Variants in MRPL1 observed in about 807,000 individuals in gnomAD.
MRPL1 encodes the protein large ribosomal subunit protein uL1m.
A neutral mutation model predicts 38.0 loss-of-function variants in MRPL1; 28 were observed. The ratio of observed to expected loss-of-function variants is 0.74; its 90% CI spans 0.55 to 1.01. MRPL1 has a LOEUF of 1.01. Among genes scored for constraint, MRPL1 ranks in the 50% least tolerant of loss-of-function variants. MRPL1 has a pLI of 0.00. For missense variants in MRPL1, 358 were observed against 389.8 expected, an observed-to-expected ratio of 0.92 and a Z score of 0.69; for synonymous variants, 123 against 126.7, an observed-to-expected ratio of 0.97 and a Z score of 0.20.
intron 7 of MRPL1, among the ~76,000 whole-genome samples, chr4:77,912,463 T>C (rs534133309): frequency 1.3e-5 from 2 of 152,230 alleles, no homozygotes; most frequent in South Asian, 4.1e-4. Context: ...TTTGTAGTAA[T>C]AGCAAATATA....
chr4:77,940,700 T>G (rs532827701), intron 7 of MRPL1, among the ~76,000 whole-genome samples: 5 of 152,318 alleles, frequency 3.3e-5, no homozygotes, highest in African/African-American at 1.2e-4. Flanking sequence ...TGGCTTTTAT[T>G]ACATTAAGGT....
At chr4:77,904,606 C>T (rs1407852742) in intron 6 of MRPL1, among the ~76,000 whole-genome samples, 1 of 151,828 alleles carries the variant, frequency 6.6e-6, no homozygotes, top group Non-Finnish European at 1.5e-5. Context: ...AAAGGAAGAA[C>T]ACAGTTTGAG....
At position 77,949,788 on chromosome 4, in the gene MRPL1, T is replaced by C. The variant is rs756827704; in HGVS notation, c.778-9T>C. 1.7e-5 allele frequency: 27 copies of C among 1,565,828 alleles called. No homozygotes were observed. In the Middle Eastern group the frequency reaches 5.0e-4, roughly 29 times the overall value. ...CATCATTAATGTTATGTATATTATT[T>C]TCTTTCAGTTGGATATGTCAAGTGA... On this transcript the variant is annotated splice_polypyrimidine_tract_variant and intron_variant, in intron 7 of 8. Transcript: ENST00000315567.
intron 7 of MRPL1, among the ~76,000 whole-genome samples, chr4:77,912,065 G>A (rs545158286): frequency 3.5e-4 from 53 of 152,256 alleles, no homozygotes; most frequent in African/African-American, 1.3e-3. Context: ...AAAAGTCTCA[G>A]CAAACTAGGA....
At chr4:77,865,043 C>G (rs1270396581) in intron 1 of MRPL1, among the ~76,000 whole-genome samples, 1 of 152,042 alleles carries the variant, frequency 6.6e-6, no homozygotes, top group South Asian at 2.1e-4. Flanking sequence ...GCGCGTGCCA[C>G]CATGCCCGGC....
At position 77,947,876 on chromosome 4, in the gene MRPL1, T is replaced by C. The variant is rs187007386; in HGVS notation, c.778-1921T>C. Among the ~76,000 whole-genome samples the C allele has an allele frequency of 2.0e-5, 3 of 152,352 alleles. No individual in the cohort carries two copies. The East Asian group carries it at 5.8e-4, about 29-fold the overall frequency. On this transcript the variant is annotated intron_variant, in intron 7 of 8. Transcript: ENST00000315567. ...ATTCAGTAGAGGGCACAGTACTATA[T>C]ATTAAAGTTGCTAAAATTTGAATAA... is the stretch of plus-strand genomic sequence containing the variant.
chr4:77,864,895 T>G (rs1452524979), intron 1 of MRPL1: 4 of 151,322 alleles, frequency 2.6e-5, no homozygotes, highest in African/African-American at 9.7e-5. Flanking sequence ...TATATCTTTT[T>G]TTTTTTTTTT....
At chr4:77,931,949 C>T (rs745631668) in intron 7 of MRPL1, among the ~76,000 whole-genome samples, 18 of 152,182 alleles carry the variant, frequency 1.2e-4, no homozygotes, top group African/African-American at 2.4e-4. Context: ...AGAGCACAGA[C>T]GTCTTATACA....
At chr4:77,906,019 T>C (rs4859890) in intron 6 of MRPL1, among the ~76,000 whole-genome samples, 77,479 of 151,970 alleles carry the variant, frequency 0.51, 20,237 homozygotes, top group Admixed American at 0.57. Context: ...AAGTTATCAG[T>C]GGATAGATGG....
chr4:77,910,524 G>A (rs1736263566), intron 7 of MRPL1, among the ~76,000 whole-genome samples: 1 of 152,130 alleles, frequency 6.6e-6, no homozygotes, highest in Non-Finnish European at 1.5e-5. Flanking sequence ...CTGTAGTCTA[G>A]CTACTTGGGA....
At chr4:77,887,075 C>T (rs982870476) in intron 4 of MRPL1, 145 bp from the exon 5 acceptor site, 3 of 696,068 alleles carry the variant, frequency 4.3e-6, no homozygotes, top group Non-Finnish European at 7.4e-6. Context: ...CAGTGAGAGC[C>T]ACTGCATCCA....
At chr4:77,912,523 G>A (rs978478055) in intron 7 of MRPL1, among the ~76,000 whole-genome samples, 3 of 152,054 alleles carry the variant, frequency 2.0e-5, no homozygotes, top group Non-Finnish European at 2.9e-5. Context: ...TCCATACACC[G>A]AAAACTTTAA....
chr4:77,869,580 G>GTTGTTTGT (rs141857510), intron 1 of MRPL1, among the ~76,000 whole-genome samples: 13 of 151,298 alleles, frequency 8.6e-5, no homozygotes, highest in African/African-American at 3.2e-4. Context: ...CTTGCTTTTT[G>GTTGTTTGT]TTGTTTGTTT....
chr4:77,870,757 T>A (rs1735262763), intron 1 of MRPL1, among the ~76,000 whole-genome samples: 1 of 152,184 alleles, frequency 6.6e-6, no homozygotes, highest in African/African-American at 2.4e-5. Flanking sequence ...TTTGTAATCT[T>A]TAAATAAAAA....
intron 7 of MRPL1, among the ~76,000 whole-genome samples, chr4:77,925,507 A>G (rs1332635549): frequency 6.6e-6 from 1 of 151,988 alleles, no homozygotes; most frequent in Non-Finnish European, 1.5e-5. Context: ...ATGCCCGGCT[A>G]AGTACTTTTC....
At chr4:77,931,563 A>G (rs1458266907) in intron 7 of MRPL1, among the ~76,000 whole-genome samples, 1 of 152,218 alleles carries the variant, frequency 6.6e-6, no homozygotes, top group East Asian at 1.9e-4. Flanking sequence ...TTTGTGTGAT[A>G]TATTTTTCAG....
chr4:77,901,412 A>G (rs1736030800), intron 6 of MRPL1, among the ~76,000 whole-genome samples: 1 of 152,040 alleles, frequency 6.6e-6, no homozygotes, highest in African/African-American at 2.4e-5. Context: ...CAGCCATATA[A>G]ATAGTTATGA....
chr4:77,937,036 G>A (rs1005194521), intron 7 of MRPL1, among the ~76,000 whole-genome samples: 6 of 152,010 alleles, frequency 3.9e-5, no homozygotes, highest in African/African-American at 1.4e-4. Flanking sequence ...GAGATAGGAA[G>A]ATTGCTTGAG....
At chr4:77,951,267 T>G (rs891318841) in intron 8 of MRPL1, among the ~76,000 whole-genome samples, 2 of 152,248 alleles carry the variant, frequency 1.3e-5, no homozygotes, top group Non-Finnish European at 2.9e-5. Context: ...AACACAAAGG[T>G]AGCATCTGTG....
Sources: allele counts gnomAD v4.1 joint callset (sites outside exome capture counted in the v4.1 genomes callset), GRCh38; gene constraint gnomAD v4.1.1; transcripts MANE v1.5; gene names NCBI Gene and HGNC (gene_info 2026-07-23, HGNC 2026-07-21).